RPAIN: variants seen among roughly 807,000 people sequenced by gnomAD.
RPAIN encodes RPA interacting protein.
In RPAIN, 29 loss-of-function variants were observed where a neutral mutation model predicts 30.5. That is an observed-to-expected ratio of 0.95 (90% confidence interval 0.71 to 1.30). The LOEUF is 1.30. Among genes scored for constraint, RPAIN ranks in the 50% most tolerant of loss-of-function variants. The pLI is 0.00. For missense variants in RPAIN, 247 were observed against 264.7 expected, an observed-to-expected ratio of 0.93 and a Z score of 0.46; for synonymous variants, 101 against 93.5, an observed-to-expected ratio of 1.08 and a Z score of -0.46.
intron 4 of RPAIN, 33 bp from the exon 5 acceptor site, chr17:5,426,203 C>T (rs777607481): frequency 1.9e-6 from 3 of 1,609,266 alleles, no homozygotes; most frequent in South Asian, 2.2e-5. Flanking sequence ...GTCTGGTGGC[C>T]ATGATGCTCT....
rs775737188 is a variant in RPAIN at position 5,421,248 on chromosome 17, A to G, written c.82-48A>G. 4 of 1,546,412 alleles carry G rather than the reference A, an allele frequency of 2.6e-6. No individual in the cohort carries two copies. The Middle Eastern group carries it at 5.2e-4, about 202-fold the overall frequency. ...AACTAATGTAAGAGTGTTTTTTAAA[A>G]ATAGAAATGCTTTTTTTTTCCCCCC... On this transcript the variant is annotated intron_variant, in intron 1 of 6. Transcript: ENST00000381209.
At chr17:5,425,038 T>G (rs1257127053) in intron 3 of RPAIN, 4 of 259,058 alleles carry the variant, frequency 1.5e-5, no homozygotes, top group Non-Finnish European at 3.0e-5. Context: ...TAGCAAATAC[T>G]TTAGACTTCA....
chr17:5,431,585 C>G (rs1481243105), intron 6 of RPAIN: 2 of 451,946 alleles, frequency 4.4e-6, no homozygotes, highest in Admixed American at 4.7e-5. Flanking sequence ...TCTAGTTCCA[C>G]TAGACCTTTG....
intron 1 of RPAIN, 31 bp from the exon 2 acceptor site, chr17:5,421,265 T>C (rs753953187): frequency 3.9e-6 from 6 of 1,557,314 alleles, no homozygotes; most frequent in South Asian, 2.4e-5. Context: ...ATGCTTTTTT[T>C]TTCCCCCCCA....
At chr17:5,430,742 ATGAGT>A (rs1407495538) in intron 6 of RPAIN, 1 of 152,332 alleles carries the variant, frequency 6.6e-6, no homozygotes, top group African/African-American at 2.4e-5. Context: ...GTTTGTACAA[ATGAGT>A]TAAGGTGGAG....
intron 3 of RPAIN, among the ~76,000 whole-genome samples, chr17:5,423,647 T>G (rs112829613): frequency 0.014 from 2,107 of 152,366 alleles, 43 homozygotes; most frequent in African/African-American, 0.047. Flanking sequence ...CCTGTGAGCA[T>G]CCACTCCTTG....
intron 5 of RPAIN, 119 bp from the exon 6 acceptor site, chr17:5,427,952 T>C (rs2151668439): frequency 3.2e-6 from 3 of 932,352 alleles, no homozygotes; most frequent in Middle Eastern, 6.7e-4. Context: ...TCTTTAAGGC[T>C]CCAAGGAGTC....
intron 6 of RPAIN, chr17:5,430,542 C>G (rs1241518613): frequency 6.6e-6 from 1 of 152,202 alleles, no homozygotes. Context: ...TGTTACCATT[C>G]TCAATAAACC....
At chr17:5,428,434 C>T (rs1915611348) in intron 6 of RPAIN, 1 of 1,447,092 alleles carries the variant, frequency 6.9e-7, no homozygotes, top group African/African-American at 1.4e-5. Flanking sequence ...GAGGATTGGT[C>T]TGGGAGTTAG....
chr17:5,428,453 G>C, intron 6 of RPAIN: 1 of 1,436,562 alleles, frequency 7.0e-7, no homozygotes, highest in Non-Finnish European at 9.1e-7. Flanking sequence ...AGGACGCCTG[G>C]CTCCACACCT....
chr17:5,429,774 CTT>C, intron 6 of RPAIN: 1 of 985,154 alleles, frequency 1.0e-6, no homozygotes, highest in Non-Finnish European at 1.2e-6. Flanking sequence ...GTCTGAATGA[CTT>C]TGACTCCTCC....
Position 5,420,245 on chromosome 17 carries a change from T to C in RPAIN, c.35T>C (p.Leu12Pro). 7.5e-6 allele frequency: 12 copies of C among 1,609,134 alleles called. No homozygotes were observed. The highest frequency in any genetic ancestry group is 1.0e-5 in the Non-Finnish European group (12 of 1,177,002). The change falls in exon 1 of 7, where the codon CTG becomes CCG. Residue 12 changes from leucine to proline, a missense_variant. By Grantham distance (98) the Leu-to-Pro change is moderately conservative. Transcript: ENST00000381209. ...TCGTTGAGGTCTCCGCGCCGCTCCCTGTACAAACTGGTGGGCTCGCCGCCT... is the reference window on the plus strand; with the variant it reads ...TCGTTGAGGTCTCCGCGCCGCTCCCCGTACAAACTGGTGGGCTCGCCGCCT... ...AESLRSPRRS[L>P]YKLVGSPPWK...
chr17:5,428,821 C>G (rs576599813), intron 6 of RPAIN: 2 of 987,508 alleles, frequency 2.0e-6, no homozygotes, highest in South Asian at 4.7e-5. Context: ...CAATATGATA[C>G]GTATTATTAT....
At chr17:5,427,708 G>C (rs1286032882) in intron 5 of RPAIN, 1 of 226,724 alleles carries the variant, frequency 4.4e-6, no homozygotes, top group Non-Finnish European at 8.8e-6. Context: ...GGAAGTTCAA[G>C]TAACCCAAGC....
At position 5,426,249 on chromosome 17, in the gene RPAIN, A is replaced by G; in HGVS notation, c.439A>G (p.Ile147Val). 1 of 1,614,182 alleles carries G rather than the reference A, an allele frequency of 6.2e-7. No individual in the cohort carries two copies. Among genetic ancestry groups the G allele is most frequent in the Non-Finnish European group, 8.5e-7 (1 of 1,179,986 alleles). The change falls in exon 5 of 7, where the codon ATC (isoleucine) becomes GTC (valine). Residue 147 changes from isoleucine to valine, a missense_variant. Coordinates refer to ENST00000381209, the MANE Select transcript of RPAIN (RefSeq NM_001033002.4). ...TTCTGCTTCTAGGTACAACCTGAGA[A>G]TCACAAGCGGTGTGGTGGTGTGTCA... Reference protein sequence around the residue: ...CPVCTKYNLRITSGVVVCQCG... With the variant: ...CPVCTKYNLRVTSGVVVCQCG...
At chr17:5,431,117 A>G (rs770188072) in intron 6 of RPAIN, 10 of 308,844 alleles carry the variant, frequency 3.2e-5, no homozygotes, top group Non-Finnish European at 5.0e-5. Context: ...TGGAGATCAT[A>G]GTTGACAGTG....
intron 3 of RPAIN, among the ~76,000 whole-genome samples, chr17:5,423,813 C>T (rs1184011418): frequency 6.6e-6 from 1 of 151,414 alleles, no homozygotes; most frequent in South Asian, 2.1e-4. Flanking sequence ...AATGCAGTGG[C>T]GTGATCACGG....
chr17:5,431,951 C>G, intron 6 of RPAIN: 1 of 261,340 alleles, frequency 3.8e-6, no homozygotes, highest in South Asian at 4.2e-5. Context: ...AGGTCATCGC[C>G]AAGGTCTGAT....
intron 1 of RPAIN, 84 bp downstream of exon 1, chr17:5,420,375 G>T: frequency 5.1e-6 from 6 of 1,179,628 alleles, no homozygotes; most frequent in Admixed American, 2.2e-5. Flanking sequence ...GCCCTGCTCC[G>T]TGGAGCAGGT....
Sources: gnomAD v4.1 joint callset for allele counts (sites outside exome capture counted in the v4.1 genomes callset) on GRCh38, gnomAD v4.1.1 for gene constraint, MANE v1.5 for transcripts, NCBI Gene and HGNC (gene_info 2026-07-23, HGNC 2026-07-21) for gene names.